The following ASPRV1 variants were observed in gnomAD, a reference collection of about 807,000 sequenced individuals.
The protein encoded by ASPRV1 is retroviral-like aspartic protease 1.
In ASPRV1, 7 loss-of-function variants were observed where a neutral mutation model predicts 11.0. The ratio of observed to expected loss-of-function variants is 0.64; its 90% confidence interval spans 0.36 to 1.20. The LOEUF is 1.20. ASPRV1 is among the 50% of genes most tolerant of loss of function. ASPRV1 has a pLI of 0.02. For missense variants in ASPRV1, 299 were observed against 320.0 expected (o/e 0.93, Z 0.50); for synonymous variants, 136 against 138.4 (o/e 0.98, Z 0.12).
chr2:70,056,118 TTA>T, the ASPRV1 span: 4 of 152,090 alleles, frequency 2.6e-5, no homozygotes, highest in Admixed American at 2.6e-4. Flanking sequence ...ATAACTCTAT[TTA>T]TATGAGGTAG....
chr2:70,041,868 TCCTC>T, the ASPRV1 span, among the ~76,000 whole-genome samples: 2 of 152,176 alleles, frequency 1.3e-5, no homozygotes, highest in African/African-American at 4.8e-5. Flanking sequence ...AATTCTTCCT[TCCTC>T]CCTATTTTAG....
chr2:69,970,879 T>G, the ASPRV1 span: 2 of 152,196 alleles, frequency 1.3e-5, no homozygotes, highest in African/African-American at 2.4e-5. Context: ...AAAGTTGCCT[T>G]TTTTTGGCCG....
chr2:70,013,323 T>C, the ASPRV1 span, among the ~76,000 whole-genome samples: 7 of 151,842 alleles, frequency 4.6e-5, no homozygotes, highest in South Asian at 1.3e-3. Flanking sequence ...CTGCCATTTG[T>C]CTAATTTTGA....
At chr2:70,072,764 A>AT in the ASPRV1 span, among the ~76,000 whole-genome samples, 1 of 148,680 alleles carries the variant, frequency 6.7e-6, no homozygotes, top group Non-Finnish European at 1.5e-5. Context: ...AAAAATAATA[A>AT]TTTTTTGCAG....
the ASPRV1 span, among the ~76,000 whole-genome samples, chr2:70,054,428 A>C: frequency 9.1e-4 from 137 of 149,892 alleles, no homozygotes; most frequent in African/African-American, 3.2e-3. Context: ...ACACACAAAA[A>C]AATTAGCCCG....
the ASPRV1 span, among the ~76,000 whole-genome samples, chr2:70,068,597 AG>A: frequency 6.6e-6 from 1 of 152,070 alleles, no homozygotes; most frequent in Non-Finnish European, 1.5e-5. Flanking sequence ...AAAGGAGGTA[AG>A]GAAGATCTAC....
chr2:70,011,385 G>A, the ASPRV1 span, among the ~76,000 whole-genome samples: 1 of 152,184 alleles, frequency 6.6e-6, no homozygotes, highest in Admixed American at 6.5e-5. Flanking sequence ...CAATCGTTTA[G>A]GTGAGAAGGG....
chr2:70,029,397 T>G, the ASPRV1 span, among the ~76,000 whole-genome samples: 1 of 152,012 alleles, frequency 6.6e-6, no homozygotes, highest in African/African-American at 2.4e-5. Flanking sequence ...TCCTAGCACT[T>G]GGGGAGGCTG....
chr2:69,946,852 C>T, the ASPRV1 span, among the ~76,000 whole-genome samples: 9 of 152,086 alleles, frequency 5.9e-5, no homozygotes, highest in Middle Eastern at 3.2e-3. Context: ...ATGTGCTGTT[C>T]GGAAGGTCAA....
the ASPRV1 span, among the ~76,000 whole-genome samples, chr2:70,062,155 T>C: frequency 6.0e-5 from 9 of 150,812 alleles, no homozygotes; most frequent in African/African-American, 2.2e-4. Flanking sequence ...AAAAAAAAAA[T>C]TTAGCTGGGC....
chr2:69,990,911 T>C, the ASPRV1 span, among the ~76,000 whole-genome samples: 2 of 152,178 alleles, frequency 1.3e-5, no homozygotes, highest in African/African-American at 4.8e-5. Context: ...AGGTGTACCC[T>C]GGCAGAGAGG....
the ASPRV1 span, among the ~76,000 whole-genome samples, chr2:70,007,584 A>AAT: frequency 2.5e-4 from 38 of 151,658 alleles, no homozygotes; most frequent in Middle Eastern, 3.4e-3. Context: ...AATAAATATG[A>AAT]ATATATATAT....
chr2:69,970,065 T>A, the ASPRV1 span, among the ~76,000 whole-genome samples: 2 of 151,978 alleles, frequency 1.3e-5, no homozygotes, highest in African/African-American at 4.8e-5. Flanking sequence ...GGCACTACTA[T>A]CTAGCCAGCC....
chr2:69,954,410 T>C, the ASPRV1 span, among the ~76,000 whole-genome samples: 11 of 152,228 alleles, frequency 7.2e-5, no homozygotes, highest in Admixed American at 7.2e-4. Context: ...TAGATCCAGA[T>C]ATACCATTGG....
At chr2:70,004,267 C>T in the ASPRV1 span, among the ~76,000 whole-genome samples, 1 of 152,244 alleles carries the variant, frequency 6.6e-6, no homozygotes, top group African/African-American at 2.4e-5. Context: ...CGCGGTGGCT[C>T]ATGCCTGTAA....
chr2:70,041,177 G>A, the ASPRV1 span, among the ~76,000 whole-genome samples: 2 of 152,300 alleles, frequency 1.3e-5, no homozygotes, highest in African/African-American at 4.8e-5. Flanking sequence ...TAAGCCAACT[G>A]AGATCAGCCA....
the ASPRV1 span, among the ~76,000 whole-genome samples, chr2:70,058,586 C>T: frequency 2.0e-5 from 3 of 148,550 alleles, no homozygotes; most frequent in Admixed American, 6.7e-5. Context: ...AAGTCTCGCT[C>T]TTGTACCCCA....
At chr2:70,057,103 A>G in the ASPRV1 span, among the ~76,000 whole-genome samples, 2,709 of 152,010 alleles carry the variant, frequency 0.018, 100 homozygotes, top group African/African-American at 0.062. Context: ...ACAGAGAAGG[A>G]TATTAAAAAA....
chr2:70,026,253 G>C, the ASPRV1 span, among the ~76,000 whole-genome samples: 1 of 151,942 alleles, frequency 6.6e-6, no homozygotes, highest in African/African-American at 2.4e-5. Flanking sequence ...CTCCAGCCTG[G>C]AAAACAAGAG....
Sources: allele counts gnomAD v4.1 joint callset (sites outside exome capture counted in the v4.1 genomes callset), GRCh38; gene constraint gnomAD v4.1.1; transcripts MANE v1.5; gene names NCBI Gene and HGNC (gene_info 2026-07-23, HGNC 2026-07-21).